The following VPS13B variants were observed in gnomAD, a reference collection of about 807,000 sequenced individuals.
VPS13B encodes the protein vacuolar protein sorting 13 homolog B.
Under a neutral mutation model 426.4 loss-of-function variants are expected in VPS13B, and 285 were observed. The ratio of observed to expected loss-of-function variants is 0.67; its 90% CI spans 0.61 to 0.74. The LOEUF is 0.74. Among genes scored for constraint, VPS13B ranks in the 30% least tolerant of loss-of-function variants. The probability of loss-of-function intolerance (pLI) is 0.00; values close to 1 mark genes in which losing one functional copy is unlikely to be tolerated. For synonymous variants in VPS13B, 1,676 were observed against 1,676.4 expected, an observed-to-expected ratio of 1.00 and a Z score of 0.01; for missense variants, 4,537 against 4,782.6, an observed-to-expected ratio of 0.95 and a Z score of 1.51.
rs754212018 is a variant in VPS13B at position 99,038,519 on chromosome 8, A to G, written c.244A>G (p.Thr82Ala). ...TKLGSEPVVI[T>A]INTMECILKL... ...ACTGGGTTCAGAACCAGTGGTAATT[A>G]CCATCAATACTATGGAATGCATTTT... The change falls in exon 3 of 62, where the codon ACC (threonine) becomes GCC (alanine). Residue 82 changes from threonine (T) to alanine (A), a missense_variant. Transcript: ENST00000357162. The G allele has an allele frequency of 2.5e-6, 4 of 1,612,898 alleles. No individual in the cohort carries two copies. In the South Asian group the frequency reaches 4.4e-5, roughly 18 times the overall value.
At position 99,148,313 on chromosome 8, in the gene VPS13B, A is replaced by T. The variant is rs553683128; in HGVS notation, c.2013+303A>T. Among the ~76,000 whole-genome samples, 10 of 151,244 alleles carry T rather than the reference A, an allele frequency of 6.6e-5. 1 individual carries two copies. Among genetic ancestry groups the T allele is most frequent in the African/African-American group, 2.4e-4 (10 of 41,274 alleles). ...CAGAAGTTTGAGGCTGCAGTGAACT[A>T]TGATCACGCCACTACACTTCAGCCT... is the stretch of plus-strand genomic sequence containing the variant. On this transcript the variant is annotated intron_variant, in intron 14 of 61. Coordinates refer to ENST00000357162, the MANE Select transcript of VPS13B (RefSeq NM_152564.5).
At chr8:99,506,158 A>G (rs1821487254) in intron 27 of VPS13B, among the ~76,000 whole-genome samples, 1 of 152,216 alleles carries the variant, frequency 6.6e-6, no homozygotes, top group African/African-American at 2.4e-5. Context: ...ATTGGTATAG[A>G]GATATAATCA....
chr8:99,449,736 A>G (rs1451574301), intron 23 of VPS13B, among the ~76,000 whole-genome samples: 3 of 152,154 alleles, frequency 2.0e-5, no homozygotes. Context: ...AGCCAATAAG[A>G]TAAGGACTAA....
At chr8:99,263,516 T>C (rs1818155471) in intron 17 of VPS13B, among the ~76,000 whole-genome samples, 1 of 152,162 alleles carries the variant, frequency 6.6e-6, no homozygotes, top group Non-Finnish European at 1.5e-5. Context: ...GGCTCTAAGA[T>C]AAAACCCCTT....
intron 43 of VPS13B, among the ~76,000 whole-genome samples, chr8:99,807,263 G>GC (rs1300398596): frequency 6.6e-6 from 1 of 152,200 alleles, no homozygotes; most frequent in Non-Finnish European, 1.5e-5. Context: ...TTTAAAAGCT[G>GC]TGTACACAGA....
At chr8:99,817,080 T>C (rs532080339) in intron 44 of VPS13B, among the ~76,000 whole-genome samples, 1 of 152,080 alleles carries the variant, frequency 6.6e-6, no homozygotes, top group Admixed American at 6.6e-5. Flanking sequence ...GCAAAACTAC[T>C]GTCCCCTGAT....
intron 21 of VPS13B, among the ~76,000 whole-genome samples, chr8:99,425,900 T>C (rs902319579): frequency 6.6e-6 from 1 of 152,034 alleles, no homozygotes; most frequent in South Asian, 2.1e-4. Flanking sequence ...CATTCTGTTT[T>C]TTGTTTTTTG....
intron 21 of VPS13B, among the ~76,000 whole-genome samples, chr8:99,430,581 ATTTCT>A (rs1161044429): frequency 1.3e-5 from 2 of 152,092 alleles, no homozygotes; most frequent in East Asian, 3.8e-4. Context: ...AAATCCTCTA[ATTTCT>A]TTACTTGGAA....
chr8:99,819,372 A>C, intron 47 of VPS13B, 40 bp from the exon 48 acceptor site: 1 of 1,605,948 alleles, frequency 6.2e-7, no homozygotes, highest in Non-Finnish European at 8.5e-7. Flanking sequence ...CCACTTTAGA[A>C]ATCTGATAAT....
chr8:99,666,132 A>G (rs1220220451), intron 35 of VPS13B, among the ~76,000 whole-genome samples: 1 of 152,158 alleles, frequency 6.6e-6, no homozygotes, highest in African/African-American at 2.4e-5. Context: ...GGTGTATAAG[A>G]ATGCTTGTGA....
chr8:99,675,496 A>G, intron 35 of VPS13B, among the ~76,000 whole-genome samples: 1 of 152,066 alleles, frequency 6.6e-6, no homozygotes, highest in Non-Finnish European at 1.5e-5. Flanking sequence ...ATATTTCTCC[A>G]GGTTTGGAAA....
chr8:99,448,348 C>G (rs1563735816), intron 23 of VPS13B, among the ~76,000 whole-genome samples: 3 of 152,028 alleles, frequency 2.0e-5, no homozygotes, highest in East Asian at 3.9e-4. Context: ...CATGGTTATT[C>G]TCATTGACCA....
chr8:99,746,344 C>G (rs1335991949), intron 39 of VPS13B, among the ~76,000 whole-genome samples: 1 of 152,066 alleles, frequency 6.6e-6, no homozygotes, highest in Non-Finnish European at 1.5e-5. Context: ...TAGTATTAGT[C>G]TGGCCCATCA....
chr8:99,796,732 G>A (rs1246297279), intron 43 of VPS13B: 1 of 152,274 alleles, frequency 6.6e-6, no homozygotes, highest in Admixed American at 6.5e-5. Flanking sequence ...TCAGCTGGAG[G>A]TCATTCAGGG....
chr8:99,287,653 A>C (rs1241241242), intron 19 of VPS13B, among the ~76,000 whole-genome samples: 1 of 152,036 alleles, frequency 6.6e-6, no homozygotes, highest in Non-Finnish European at 1.5e-5. Context: ...TAAAAATGCA[A>C]ATACACCATA....
At chr8:99,435,119 A>G (rs1189384054) in intron 22 of VPS13B, among the ~76,000 whole-genome samples, 1 of 152,190 alleles carries the variant, frequency 6.6e-6, no homozygotes, top group Non-Finnish European at 1.5e-5. Context: ...AAGGATGCCT[A>G]GGGCATGTAC....
chr8:99,086,870 G>C lies in VPS13B; in HGVS notation c.292-9442G>C, dbSNP rs183935406. On this transcript the variant is annotated intron_variant, in intron 3 of 61. Coordinates refer to ENST00000357162, the MANE Select transcript of VPS13B (RefSeq NM_152564.5). Reference sequence around the variant, plus strand: ...TGTGAGGTGTCAGTCTGCCCCTGCTGGGGGGTGCCTCCCAGTTAGGCTACT... The same window carrying C: ...TGTGAGGTGTCAGTCTGCCCCTGCTCGGGGGTGCCTCCCAGTTAGGCTACT... Among the ~76,000 whole-genome samples the C allele has an allele frequency of 2.6e-4, 39 of 152,260 alleles. 1 individual carries two copies. In the East Asian group the frequency reaches 5.8e-3, roughly 23 times the overall value.
At chr8:99,758,074 C>A (rs767316574) in intron 39 of VPS13B, among the ~76,000 whole-genome samples, 3 of 152,190 alleles carry the variant, frequency 2.0e-5, no homozygotes, top group Non-Finnish European at 2.9e-5. Context: ...GCATTAATAA[C>A]AAATCCTTAG....
intron 24 of VPS13B, 152 bp from the exon 25 acceptor site, chr8:99,481,447 G>T: frequency 1.2e-6 from 1 of 851,084 alleles, no homozygotes; most frequent in Non-Finnish European, 1.9e-6. Context: ...CAAATTTCAA[G>T]TGTAAGTTAA....
Sources: gnomAD v4.1 joint callset for allele counts (sites outside exome capture counted in the v4.1 genomes callset) on GRCh38, gnomAD v4.1.1 for gene constraint, MANE v1.5 for transcripts, NCBI Gene and HGNC (gene_info 2026-07-23, HGNC 2026-07-21) for gene names.